SPDYE5: variants seen among roughly 807,000 people sequenced by gnomAD.
The protein encoded by SPDYE5 is speedy/RINGO cell cycle regulator family member E5, also known as speedy protein E5.
A neutral mutation model predicts 48.5 loss-of-function variants in SPDYE5; 15 were observed. The ratio of observed to expected loss-of-function variants is 0.31; its 90% CI spans 0.21 to 0.48. SPDYE5 has a LOEUF of 0.48. Among genes scored for constraint, SPDYE5 ranks in the 20% least tolerant of loss-of-function variants. The pLI is 0.99. For synonymous variants in SPDYE5, 116 were observed against 200.7 expected, an observed-to-expected ratio of 0.58 and a Z score of 3.57; for missense variants, 331 against 549.1, an observed-to-expected ratio of 0.60 and a Z score of 3.97.
chr7:75,494,067 G>A lies in SPDYE5; in HGVS notation c.20G>A (p.Arg7Lys), dbSNP rs1792832973. The A allele has an allele frequency of 2.0e-6, 3 of 1,533,334 alleles. No individual in the cohort carries two copies. Among genetic ancestry groups the A allele is most frequent in the Admixed American group, 3.9e-5 (2 of 50,720 alleles). The allele number at this position is 1,533,334 out of a possible 1,614,324, so 95.0% of individuals were successfully genotyped here. The change falls in exon 2 of 9, where the codon AGG (arginine) becomes AAG (lysine). Residue 7 changes from arginine to lysine, a missense_variant. Arg to Lys is a conservative substitution (Grantham distance 26). This residue lies in a region of SPDYE5 where 67 missense variants were observed against 55.7 expected (regional missense o/e 1.20). Coordinates refer to ENST00000625065, the MANE Select transcript of SPDYE5 (RefSeq NM_001306141.4). The part of the protein sequence containing the change: MDRTET[R>K]FRKRGQITEK... ...AAGGCCATGGACAGAACGGAGACTAGGTTCCGTAAGAGGGGACAGATTACG... is the reference window on the plus strand; with the variant it reads ...AAGGCCATGGACAGAACGGAGACTAAGTTCCGTAAGAGGGGACAGATTACG...
chr7:75,494,070 T>A lies in SPDYE5; in HGVS notation c.23T>A (p.Phe8Tyr). ...GCCATGGACAGAACGGAGACTAGGT[T>A]CCGTAAGAGGGGACAGATTACGGAA... Reference protein sequence around the residue: MDRTETRFRKRGQITEKI... With the variant: MDRTETRYRKRGQITEKI... The change falls in exon 2 of 9, where the codon TTC (phenylalanine) becomes TAC (tyrosine). Residue 8 changes from phenylalanine (F) to tyrosine (Y), a missense_variant. Transcript: ENST00000625065. 6.5e-7 allele frequency: 1 copy of A among 1,533,302 alleles called. No individual in the cohort carries two copies. Among genetic ancestry groups the A allele is most frequent in the Non-Finnish European group, 8.7e-7 (1 of 1,146,354 alleles). The allele number at this position is 1,533,302 out of a possible 1,614,324, so 95.0% of individuals were successfully genotyped here. A position where few individuals can be genotyped will look rare whatever the true frequency, so the allele number is the denominator to read the frequency against.
upstream of SPDYE5, among the ~76,000 whole-genome samples, chr7:75,492,162 A>C (rs1421669138): frequency 2.1e-4 from 32 of 152,108 alleles, no homozygotes; most frequent in Admixed American, 2.1e-3. Context: ...CACAAAAGAG[A>C]AATTTTAATG....
chr7:75,496,506 G>A (rs1792939188), intron 3 of SPDYE5, among the ~76,000 whole-genome samples, 168 bp from the exon 4 acceptor site: 1 of 144,684 alleles, frequency 6.9e-6, no homozygotes, highest in African/African-American at 2.7e-5. Flanking sequence ...GGAGGAGAAG[G>A]AGCAGCACAT....
chr7:75,501,261 G>A, intron 6 of SPDYE5, 101 bp from the exon 7 acceptor site: 1 of 1,565,630 alleles, frequency 6.4e-7, no homozygotes, highest in East Asian at 2.2e-5. Context: ...TGCCAGTCCT[G>A]AGCTAGGGAC....
chr7:75,494,897 A>G (rs1472994384), intron 2 of SPDYE5: 1 of 1,429,226 alleles, frequency 7.0e-7, no homozygotes, highest in Non-Finnish European at 9.1e-7. Flanking sequence ...AAAACAAAAC[A>G]AAACAAAAAA....
At position 75,494,095 on chromosome 7, in the gene SPDYE5, A is replaced by G; in HGVS notation, c.48A>G (p.Glu16=). Residue 16 remains glutamate (E), a synonymous_variant, in exon 2 of 9, where the codon GAA becomes GAG. Coordinates refer to ENST00000625065, the MANE Select transcript of SPDYE5 (RefSeq NM_001306141.4). Reference sequence around the variant, plus strand: ...TCCGTAAGAGGGGACAGATTACGGAAAAGATCACGACCAGCCGTCAACCGC... The same window carrying G: ...TCCGTAAGAGGGGACAGATTACGGAGAAGATCACGACCAGCCGTCAACCGC... ...TRFRKRGQIT[E]KITTSRQPQP... 1 of 1,535,050 alleles carries G rather than the reference A, an allele frequency of 6.5e-7. No individual in the cohort carries two copies. The highest frequency in any genetic ancestry group is 8.7e-7 in the Non-Finnish European group (1 of 1,146,774).
chr7:75,500,218 G>C (rs1409372499), intron 6 of SPDYE5, among the ~76,000 whole-genome samples: 1 of 143,148 alleles, frequency 7.0e-6, no homozygotes, highest in African/African-American at 2.6e-5. Flanking sequence ...ATCTCTACAA[G>C]CACACTGGCT....
chr7:75,495,351 A>G lies in SPDYE5; in HGVS notation c.356A>G (p.His119Arg). The G allele has an allele frequency of 6.3e-7, 1 of 1,597,712 alleles. No individual in the cohort carries two copies. The highest frequency in any genetic ancestry group is 8.5e-7 in the Non-Finnish European group (1 of 1,179,940). The change falls in exon 3 of 9, where the codon CAC (histidine) becomes CGC (arginine). Residue 119 changes from histidine to arginine, a missense_variant. Physicochemically the swap from His to Arg is conservative, Grantham distance 29 (BLOSUM62 0). Transcript: ENST00000625065. ...QRVSPILPEH[H>R]KGFNSQLAPG... ...GTGTCACCCATCCTCCCTGAGCACC[A>G]CAAGGGCTTCAACAGTCAGCTTGGT...
At position 75,492,410 on chromosome 7, in the gene SPDYE5, C is replaced by T. The variant is rs1363659677; in HGVS notation, c.-453C>T. Reference sequence around the variant, plus strand: ...AGAGACTCCTAGGAAAGCAGCAGCCCATTAGGAAAACGTGTGGGAACTCAC... The same window carrying T: ...AGAGACTCCTAGGAAAGCAGCAGCCTATTAGGAAAACGTGTGGGAACTCAC... On this transcript the variant is annotated 5_prime_UTR_variant, in exon 1 of 9. Coordinates refer to ENST00000625065, the MANE Select transcript of SPDYE5 (RefSeq NM_001306141.4). Among the ~76,000 whole-genome samples, 4 of 152,102 alleles carry T rather than the reference C, an allele frequency of 2.6e-5. No individual in the cohort carries two copies. The highest frequency in any genetic ancestry group is 7.2e-5 in the African/African-American group (3 of 41,498).
At chr7:75,494,511 C>G (rs1554482177) in intron 2 of SPDYE5, among the ~76,000 whole-genome samples, 2 of 72,490 alleles carry the variant, frequency 2.8e-5, no homozygotes, top group Non-Finnish European at 5.4e-5. Context: ...CACGCTACTG[C>G]ACTCCAAAAA....
intron 3 of SPDYE5, among the ~76,000 whole-genome samples, chr7:75,496,326 G>C (rs1252769561): frequency 6.9e-6 from 1 of 145,856 alleles, no homozygotes; most frequent in Non-Finnish European, 1.5e-5. Context: ...GGCGGAGGTT[G>C]CAGTGAGCCA....
chr7:75,495,405 T>G (rs782009856), intron 3 of SPDYE5, 31 bp downstream of exon 3: 1 of 1,596,416 alleles, frequency 6.3e-7, no homozygotes, highest in African/African-American at 1.3e-5. Context: ...GCACCTCCAA[T>G]CCTGTTCTTT....
At chr7:75,497,166 G>A (rs1243040414) in intron 4 of SPDYE5, among the ~76,000 whole-genome samples, 1 of 152,008 alleles carries the variant, frequency 6.6e-6, no homozygotes, top group African/African-American at 2.4e-5. Context: ...CAGCATGTTG[G>A]GAGGCTGAGG....
At chr7:75,492,033 A>C (rs2116586825), upstream of SPDYE5, among the ~76,000 whole-genome samples, 1 of 152,166 alleles carries the variant, frequency 6.6e-6, no homozygotes, top group East Asian at 1.9e-4. Flanking sequence ...TTTTGACAAC[A>C]TATCAACATC....
intron 5 of SPDYE5, among the ~76,000 whole-genome samples, chr7:75,498,983 C>T (rs879957363): frequency 1.1e-3 from 160 of 145,644 alleles, no homozygotes; most frequent in East Asian, 5.8e-3. Context: ...GACACACCCC[C>T]TCCAAAGATC....
intron 3 of SPDYE5, among the ~76,000 whole-genome samples, chr7:75,496,033 A>G (rs1792914225): frequency 6.7e-6 from 1 of 149,872 alleles, no homozygotes; most frequent in Non-Finnish European, 1.5e-5. Context: ...AAAAAAAAAA[A>G]AGAAGGAAGG....
At chr7:75,495,546 T>G (rs1224818390) in intron 3 of SPDYE5, among the ~76,000 whole-genome samples, 172 bp downstream of exon 3, 1 of 152,252 alleles carries the variant, frequency 6.6e-6, no homozygotes, top group Non-Finnish European at 1.5e-5. Context: ...GATAGAGGAC[T>G]AGGCTAGACT....
At chr7:75,498,234 T>C (rs1306644618) in intron 5 of SPDYE5, among the ~76,000 whole-genome samples, 38 of 150,338 alleles carry the variant, frequency 2.5e-4, no homozygotes, top group African/African-American at 7.6e-4. Context: ...AAGCGATTCT[T>C]CTGCCTCAGC....
At position 75,496,655 on chromosome 7, in the gene SPDYE5, G is replaced by C. The variant is rs782476992; in HGVS notation, c.380-19G>C. Reference sequence around the variant, plus strand: ...TCAACTGCAGAAGCATTACACCATGGCCTGGTTTCTTTACTCAGCCCCTGG... The same window carrying C: ...TCAACTGCAGAAGCATTACACCATGCCCTGGTTTCTTTACTCAGCCCCTGG... On this transcript the variant is annotated intron_variant, in intron 3 of 8. Transcript: ENST00000625065. 6.3e-7 allele frequency: 1 copy of C among 1,597,424 alleles called. No individual in the cohort carries two copies. Among genetic ancestry groups the C allele is most frequent in the African/African-American group, 1.3e-5 (1 of 74,794 alleles).
Sources: allele counts gnomAD v4.1 joint callset (sites outside exome capture counted in the v4.1 genomes callset), GRCh38; gene constraint gnomAD v4.1.1; regional missense constraint gnomAD v4.1.1; transcripts MANE v1.5; gene names NCBI Gene and HGNC (gene_info 2026-07-23, HGNC 2026-07-21).